Variants in PRKN observed in about 807,000 individuals in gnomAD.
PRKN encodes parkin RBR E3 ubiquitin protein ligase.
A neutral mutation model predicts 59.5 loss-of-function variants in PRKN; 56 were observed. The ratio of observed to expected loss-of-function variants is 0.94; its 90% CI spans 0.76 to 1.18. The LOEUF (loss-of-function observed/expected upper bound fraction) is 1.18. Ranked by LOEUF, PRKN falls within the 50% of genes most tolerant of loss-of-function variation. The probability of loss-of-function intolerance (pLI) is 0.00; values close to 1 mark genes in which losing one functional copy is unlikely to be tolerated. For missense variants in PRKN, 657 were observed against 596.4 expected, an observed-to-expected ratio of 1.10 and a Z score of -1.06; for synonymous variants, 250 against 222.1, an observed-to-expected ratio of 1.13 and a Z score of -1.12.
In PRKN at chr6:162,542,981, C is replaced by T. The variant is rs116847622; in HGVS notation, c.8-99508G>A. Among the ~76,000 whole-genome samples, 966 of 152,244 alleles carry T rather than the reference C, an allele frequency of 6.3e-3. 9 individuals are homozygous for T. The highest frequency in any genetic ancestry group is 0.01 in the Non-Finnish European group (683 of 68,022). Reference sequence around the variant, plus strand: ...TACTGACCCAATGGTCGACTCCCCCCAGGACTGCTTCTCTGAGGCAACACT... The same window carrying T: ...TACTGACCCAATGGTCGACTCCCCCTAGGACTGCTTCTCTGAGGCAACACT... On this transcript the variant is annotated intron_variant, in intron 1 of 11. Transcript: ENST00000366898.
At chr6:162,051,346 T>C (rs1423836727) in intron 5 of PRKN, among the ~76,000 whole-genome samples, 2 of 152,056 alleles carry the variant, frequency 1.3e-5, no homozygotes, top group East Asian at 3.9e-4. Context: ...GCCCGGTGAG[T>C]GTAATGTGTG....
chr6:161,743,212 C>CCTTT (rs1352144742), intron 7 of PRKN, among the ~76,000 whole-genome samples: 106 of 105,396 alleles, frequency 1.0e-3, no homozygotes, highest in Non-Finnish European at 1.8e-3. Context: ...CTGGTTTCTA[C>CCTTT]CTTTTTTTTT....
chr6:162,154,965 G>T (rs1782440587), intron 4 of PRKN, among the ~76,000 whole-genome samples: 1 of 145,528 alleles, frequency 6.9e-6, no homozygotes, highest in African/African-American at 2.6e-5. Context: ...GATTTCAGGT[G>T]ATGCAAAAAA....
intron 10 of PRKN, among the ~76,000 whole-genome samples, chr6:161,368,357 G>GTA (rs539300613): frequency 1.4e-4 from 12 of 85,280 alleles, no homozygotes; most frequent in Non-Finnish European, 2.4e-4. Flanking sequence ...ATATATTTGT[G>GTA]TATATATATA....
At chr6:161,836,423 C>T (rs138329270) in intron 6 of PRKN, among the ~76,000 whole-genome samples, 3 of 152,220 alleles carry the variant, frequency 2.0e-5, no homozygotes, top group South Asian at 2.1e-4. Flanking sequence ...GCCTGAGTGG[C>T]CTCGATTAAA....
intron 9 of PRKN, among the ~76,000 whole-genome samples, chr6:161,541,011 T>C (rs1779597725): frequency 6.6e-6 from 1 of 152,198 alleles, no homozygotes; most frequent in South Asian, 2.1e-4. Flanking sequence ...AGTTTTTTTC[T>C]TTTTTTCCCT....
chr6:162,399,159 T>C (rs1308674664), intron 2 of PRKN, among the ~76,000 whole-genome samples: 1 of 151,956 alleles, frequency 6.6e-6, no homozygotes, highest in African/African-American at 2.4e-5. Flanking sequence ...AACTCTAAAA[T>C]GAATGTGAAA....
intron 9 of PRKN, among the ~76,000 whole-genome samples, chr6:161,469,436 G>C (rs1221360360): frequency 6.6e-6 from 1 of 152,188 alleles, no homozygotes; most frequent in Non-Finnish European, 1.5e-5. Flanking sequence ...TCATAGCAGT[G>C]TGAGAACAGA....
At chr6:162,323,100 C>T (rs894120257) in intron 2 of PRKN, among the ~76,000 whole-genome samples, 2 of 149,752 alleles carry the variant, frequency 1.3e-5, no homozygotes, top group African/African-American at 4.9e-5. Context: ...AGGGATAGCA[C>T]TGGGAGATAT....
Position 161,458,430 on chromosome 6 carries a change from G to A in PRKN, c.1084-71553C>T, listed in dbSNP as rs537303688. Among the ~76,000 whole-genome samples, 3 of 152,292 alleles carry A rather than the reference G, an allele frequency of 2.0e-5. No individual in the cohort carries two copies. Among genetic ancestry groups the A allele is most frequent in the South Asian group, 2.1e-4 (1 of 4,826 alleles). On this transcript the variant is annotated intron_variant, in intron 9 of 11. Coordinates refer to ENST00000366898, the MANE Select transcript of PRKN (RefSeq NM_004562.3). The surrounding 1 kb of genome is among the most constrained non-coding windows in gnomAD (Gnocchi z 6.1). ...TTATCACAGCTCCCTGGCCCTCGCC[G>A]CGGTGGAGGCAGCCGTCTGTCTACC...
intron 2 of PRKN, among the ~76,000 whole-genome samples, chr6:162,378,053 A>T (rs1786217148): frequency 6.6e-6 from 1 of 152,178 alleles, no homozygotes; most frequent in Non-Finnish European, 1.5e-5. Flanking sequence ...CGGGATTCAC[A>T]CAGCATGGTC....
At chr6:162,463,150 T>G (rs1791249752) in intron 1 of PRKN, among the ~76,000 whole-genome samples, 1 of 152,016 alleles carries the variant, frequency 6.6e-6, no homozygotes, top group Non-Finnish European at 1.5e-5. Context: ...ATACAAAGGG[T>G]CTGCTTGAGT....
chr6:162,710,414 C>CACACACACAA (rs759309558), intron 1 of PRKN, among the ~76,000 whole-genome samples: 158 of 150,068 alleles, frequency 1.1e-3, no homozygotes, highest in African/African-American at 3.6e-3. Flanking sequence ...CACACACACA[C>CACACACACAA]AACTGTTTGG....
rs1188686809 is a variant in PRKN at position 161,480,825 on chromosome 6, G to A, written c.1083+68029C>T. On this transcript the variant is annotated intron_variant, in intron 9 of 11. Coordinates refer to ENST00000366898, the MANE Select transcript of PRKN (RefSeq NM_004562.3). The surrounding 1 kb of genome is among the most constrained non-coding windows in gnomAD (Gnocchi z 4.1). ...GTATCAATAAAGAAAAGCAGGCACC[G>A]CTTTTAATTTCATTGCTATAACTAA... Among the ~76,000 whole-genome samples the A allele has an allele frequency of 1.3e-5, 2 of 152,228 alleles. No individual in the cohort carries two copies. Among genetic ancestry groups the A allele is most frequent in the African/African-American group, 2.4e-5 (1 of 41,454 alleles).
intron 5 of PRKN, among the ~76,000 whole-genome samples, chr6:162,021,433 C>A (rs1306109785): frequency 9.8e-6 from 1 of 102,470 alleles, no homozygotes; most frequent in Non-Finnish European, 1.8e-5. Context: ...CCCGGCATTA[C>A]AGGGAATATA....
At chr6:161,431,458 T>C (rs1269723948) in intron 9 of PRKN, among the ~76,000 whole-genome samples, 1 of 152,088 alleles carries the variant, frequency 6.6e-6, no homozygotes, top group African/African-American at 2.4e-5. Context: ...TTAAATCATA[T>C]CATAAAATGT....
rs2114977021 is a variant in PRKN at position 161,399,963 on chromosome 6, A to G, written c.1084-13086T>C. 6.6e-6 allele frequency among the ~76,000 whole-genome samples: 1 copy of G among 152,348 alleles called. No homozygotes were observed. Among genetic ancestry groups the G allele is most frequent in the Non-Finnish European group, 1.5e-5 (1 of 68,042 alleles). On this transcript the variant is annotated intron_variant, in intron 9 of 11. Transcript: ENST00000366898. The surrounding 1 kb of genome is among the most constrained non-coding windows in gnomAD (Gnocchi z 4.4). ...ATTTCAACATGCAATCGATATAAAA[A>G]TTGGTAATGAGTTATTTTATATTCA...
chr6:162,425,335 C>G (rs1789180064), intron 2 of PRKN, among the ~76,000 whole-genome samples: 1 of 152,162 alleles, frequency 6.6e-6, no homozygotes, highest in Admixed American at 6.5e-5. Context: ...CAAGAACTCA[C>G]ATTCTAACAC....
intron 1 of PRKN, among the ~76,000 whole-genome samples, chr6:162,507,479 G>A (rs187355390): frequency 2.6e-5 from 4 of 152,096 alleles, no homozygotes; most frequent in Admixed American, 6.6e-5. Context: ...TACCCAGTTC[G>A]CTCCTTTTGC....
Sources: gnomAD v4.1 joint callset for allele counts (sites outside exome capture counted in the v4.1 genomes callset) on GRCh38, gnomAD v4.1.1 for gene constraint, Gnocchi (gnomAD v3.1) non-coding constraint, MANE v1.5 for transcripts, NCBI Gene and HGNC (gene_info 2026-07-23, HGNC 2026-07-21) for gene names.